The following NALF1 variants were observed in gnomAD, a reference collection of about 807,000 sequenced individuals.
NALF1 encodes the protein family with sequence similarity 155 member A.
A neutral mutation model predicts 48.4 loss-of-function variants in NALF1; 3 were observed. The ratio of observed to expected loss-of-function variants is 0.06; its 90% CI spans 0.03 to 0.16. NALF1 has a LOEUF of 0.16. Ranked by LOEUF, NALF1 falls within the 10% of genes least tolerant of loss-of-function variation. NALF1 has a pLI of 1.00. For synonymous variants in NALF1, 262 were observed against 245.7 expected (o/e 1.07, Z -0.62); for missense variants, 526 against 571.5 (o/e 0.92, Z 0.81).
chr13:107,455,840 T>G (rs1478677234), intron 1 of NALF1, among the ~76,000 whole-genome samples: 1 of 151,592 alleles, frequency 6.6e-6, no homozygotes, highest in Admixed American at 6.6e-5. Flanking sequence ...TCTTCCCCTG[T>G]GTCTTTTCTT....
At chr13:107,643,550 G>A (rs1430220290) in intron 1 of NALF1, among the ~76,000 whole-genome samples, 1 of 148,498 alleles carries the variant, frequency 6.7e-6, no homozygotes, top group Non-Finnish European at 1.5e-5. Flanking sequence ...GGTGGGGGGG[G>A]GGTGAAACGA....
intron 1 of NALF1, among the ~76,000 whole-genome samples, chr13:107,462,175 G>A (rs898763109): frequency 5.3e-5 from 8 of 151,710 alleles, no homozygotes; most frequent in Non-Finnish European, 8.8e-5. Context: ...CATTTTTTTT[G>A]TGTGTCCTAC....
intron 1 of NALF1, among the ~76,000 whole-genome samples, chr13:107,688,053 C>G (rs1881479222): frequency 6.6e-6 from 1 of 152,202 alleles, no homozygotes; most frequent in Non-Finnish European, 1.5e-5. Flanking sequence ...ATTCTAAACA[C>G]TACTACTATT....
intron 1 of NALF1, among the ~76,000 whole-genome samples, chr13:107,231,658 T>A (rs917375858): frequency 1.3e-5 from 2 of 152,256 alleles, no homozygotes; most frequent in African/African-American, 2.4e-5. Context: ...AAGCTATTTT[T>A]GAGCTACGCA....
At chr13:107,224,748 T>C (rs1030997423) in intron 1 of NALF1, among the ~76,000 whole-genome samples, 2 of 152,122 alleles carry the variant, frequency 1.3e-5, no homozygotes, top group African/African-American at 2.4e-5. Context: ...TTAGTACTGA[T>C]TGTGATACAA....
intron 1 of NALF1, among the ~76,000 whole-genome samples, chr13:107,379,412 A>C (rs2138972217): frequency 6.6e-6 from 1 of 152,298 alleles, no homozygotes; most frequent in South Asian, 2.1e-4. Flanking sequence ...CTATGTTTCT[A>C]CAAAGTCAAA....
chr13:107,761,312 G>A (rs1038506208), intron 1 of NALF1, among the ~76,000 whole-genome samples: 3 of 151,268 alleles, frequency 2.0e-5, no homozygotes, highest in Admixed American at 6.6e-5. Context: ...TGCTGAGATC[G>A]CGCCACTGCA....
chr13:107,630,224 G>A (rs1879797836), intron 1 of NALF1, among the ~76,000 whole-genome samples: 2 of 152,114 alleles, frequency 1.3e-5, no homozygotes, highest in African/African-American at 4.8e-5. Flanking sequence ...TGACACAAGA[G>A]TTACTTGAAA....
chr13:107,330,082 G>A (rs1882440400), intron 1 of NALF1, among the ~76,000 whole-genome samples: 1 of 152,082 alleles, frequency 6.6e-6, no homozygotes. Context: ...CCCTGCCCAG[G>A]ATGGACCCTA....
At chr13:107,573,542 A>T (rs1878049987) in intron 1 of NALF1, among the ~76,000 whole-genome samples, 1 of 152,136 alleles carries the variant, frequency 6.6e-6, no homozygotes, top group South Asian at 2.1e-4. Context: ...ATTTCTGAGT[A>T]GTGATTTATA....
intron 2 of NALF1, among the ~76,000 whole-genome samples, chr13:107,208,659 G>A (rs1035222715): frequency 6.6e-6 from 1 of 151,842 alleles, no homozygotes; most frequent in African/African-American, 2.4e-5. Flanking sequence ...CATAAAAATC[G>A]AATAGCTTCT....
At chr13:107,482,449 T>A (rs2139062201) in intron 1 of NALF1, among the ~76,000 whole-genome samples, 1 of 152,282 alleles carries the variant, frequency 6.6e-6, no homozygotes, top group Admixed American at 6.5e-5. Context: ...AAGCAATTTA[T>A]AATATGCTTC....
intron 1 of NALF1, among the ~76,000 whole-genome samples, chr13:107,343,814 C>T (rs538570078): frequency 1.6e-4 from 24 of 151,384 alleles, no homozygotes; most frequent in African/African-American, 4.4e-4. Context: ...AGAAAAAGAA[C>T]GAAGTAAACA....
intron 2 of NALF1, among the ~76,000 whole-genome samples, chr13:107,197,763 T>C (rs1879424376): frequency 6.6e-6 from 1 of 152,212 alleles, no homozygotes; most frequent in Admixed American, 6.5e-5. Context: ...TTTGTGTGTG[T>C]GCGCAAATTG....
chr13:107,826,502 G>C (rs1455231992), intron 1 of NALF1, among the ~76,000 whole-genome samples: 1 of 152,232 alleles, frequency 6.6e-6, no homozygotes, highest in Non-Finnish European at 1.5e-5. Flanking sequence ...CCAGTATGAA[G>C]AGGAAGACGC....
At chr13:107,526,950 T>C (rs16970608) in intron 1 of NALF1, among the ~76,000 whole-genome samples, 5,518 of 152,222 alleles carry the variant, frequency 0.036, 174 homozygotes, top group African/African-American at 0.085. Flanking sequence ...TAGTCTAACC[T>C]AGTTTTGACA....
chr13:107,701,791 T>C (rs1426547980), intron 1 of NALF1, among the ~76,000 whole-genome samples: 3 of 152,234 alleles, frequency 2.0e-5, no homozygotes, highest in South Asian at 2.1e-4. Context: ...TTCTTCACTA[T>C]AGTAACCATT....
chr13:107,526,872 C>G (rs1263652767), intron 1 of NALF1, among the ~76,000 whole-genome samples: 5 of 152,120 alleles, frequency 3.3e-5, no homozygotes, highest in Admixed American at 3.3e-4. Context: ...AAAACACTTT[C>G]AGACATGAGA....
At chr13:107,769,167 T>G (rs1301198756) in intron 1 of NALF1, among the ~76,000 whole-genome samples, 1 of 148,620 alleles carries the variant, frequency 6.7e-6, no homozygotes, top group African/African-American at 2.5e-5. Context: ...AAATACCATT[T>G]GACCCAGCCA....
Sources: gnomAD v4.1 joint callset for allele counts (sites outside exome capture counted in the v4.1 genomes callset) on GRCh38, gnomAD v4.1.1 for gene constraint, MANE v1.5 for transcripts, NCBI Gene and HGNC (gene_info 2026-07-23, HGNC 2026-07-21) for gene names.